Variants in RIMS1 observed in about 807,000 individuals in gnomAD.
The protein encoded by RIMS1 is regulating synaptic membrane exocytosis 1, also known as regulating synaptic membrane exocytosis protein 1.
RIMS1 carries 83 observed loss-of-function variants against 214.1 expected under a neutral mutation model. That is an observed-to-expected ratio of 0.39 (90% CI 0.32 to 0.47). RIMS1 has a LOEUF of 0.47. Ranked by LOEUF, RIMS1 falls within the 20% of genes least tolerant of loss-of-function variation. The pLI is 0.99. For synonymous variants in RIMS1, 793 were observed against 786.8 expected, an observed-to-expected ratio of 1.01 and a Z score of -0.13; for missense variants, 2,050 against 2,161.8, an observed-to-expected ratio of 0.95 and a Z score of 1.03.
intron 2 of RIMS1, among the ~76,000 whole-genome samples, chr6:72,046,205 A>G (rs540920584): frequency 5.3e-4 from 81 of 152,192 alleles, no homozygotes; most frequent in Middle Eastern, 3.4e-3. Context: ...TAACCTTAGT[A>G]TCAGGTTTTC....
intron 2 of RIMS1, among the ~76,000 whole-genome samples, chr6:72,036,384 T>C (rs1254150661): frequency 1.3e-5 from 2 of 152,158 alleles, no homozygotes; most frequent in Admixed American, 1.3e-4. Context: ...ACAGAACTGT[T>C]TGTATGTTTA....
Position 72,085,229 on chromosome 6 carries a change from A to T in RIMS1, c.246-11720A>T, listed in dbSNP as rs1562276039. Among the ~76,000 whole-genome samples the T allele has an allele frequency of 2.0e-5, 3 of 152,294 alleles. No homozygotes were observed. The East Asian group carries it at 5.8e-4, about 29-fold the overall frequency. On this transcript the variant is annotated intron_variant, in intron 2 of 33. Coordinates refer to ENST00000521978, the MANE Select transcript of RIMS1 (RefSeq NM_014989.7). ...AAAGACCAAATACGTTTTTAGATAC[A>T]AACTGATAATTTGTAGAACTGTAGT...
intron 2 of RIMS1, among the ~76,000 whole-genome samples, chr6:72,057,404 A>G (rs1826496118): frequency 6.6e-6 from 1 of 151,324 alleles, no homozygotes; most frequent in Non-Finnish European, 1.5e-5. Flanking sequence ...TCAGGCTCGG[A>G]TTCTTTGACA....
chr6:72,118,957 C>T (rs1269819600), intron 4 of RIMS1, among the ~76,000 whole-genome samples: 8 of 151,506 alleles, frequency 5.3e-5, no homozygotes, highest in Non-Finnish European at 1.0e-4. Flanking sequence ...CAGCATCATA[C>T]TGGAAGTCCT....
intron 1 of RIMS1, among the ~76,000 whole-genome samples, chr6:71,957,111 A>G (rs939363246): frequency 1.4e-4 from 21 of 152,290 alleles, no homozygotes; most frequent in Middle Eastern, 3.4e-3. Context: ...ATATTGCACA[A>G]CAAAGGGAGT....
intron 11 of RIMS1, among the ~76,000 whole-genome samples, chr6:72,247,417 C>T (rs964183168): frequency 6.6e-6 from 1 of 151,762 alleles, no homozygotes; most frequent in Non-Finnish European, 1.5e-5. Flanking sequence ...TGCCTGTAAT[C>T]CCAGCTACTC....
At chr6:72,167,657 G>A (rs568835891) in intron 4 of RIMS1, among the ~76,000 whole-genome samples, 52 of 151,934 alleles carry the variant, frequency 3.4e-4, no homozygotes, top group East Asian at 5.8e-4. Context: ...TCTTTTTTGC[G>A]TCAGTTTTGG....
intron 21 of RIMS1, among the ~76,000 whole-genome samples, 196 bp from the exon 22 acceptor site, chr6:72,265,763 GT>G (rs1414884994): frequency 6.6e-6 from 1 of 152,018 alleles, no homozygotes; most frequent in Non-Finnish European, 1.5e-5. Flanking sequence ...CATAATCTTT[GT>G]TTAGCTTCAT....
intron 28 of RIMS1, among the ~76,000 whole-genome samples, chr6:72,319,999 T>G (rs1025676188): frequency 6.6e-6 from 1 of 152,172 alleles, no homozygotes. Flanking sequence ...ACTTTATACT[T>G]TTAAGTCATC....
At chr6:71,958,712 A>G (rs771152466) in intron 1 of RIMS1, among the ~76,000 whole-genome samples, 1 of 152,110 alleles carries the variant, frequency 6.6e-6, no homozygotes, top group African/African-American at 2.4e-5. Context: ...TGGAAATGAC[A>G]GTTCAGGAAT....
chr6:72,264,968 G>T lies in RIMS1; in HGVS notation c.3117-7G>T, dbSNP rs202107254. The T allele has an allele frequency of 1.3e-6, 2 of 1,571,258 alleles. No homozygotes were observed. The highest frequency in any genetic ancestry group is 1.2e-5 in the South Asian group (1 of 85,720). On this transcript the variant is annotated splice_polypyrimidine_tract_variant and splice_region_variant and intron_variant, in intron 19 of 33. Transcript: ENST00000521978. ...GTTTCCTGCGTGTTTGTGTTGCTAC[G>T]TTCCAGACATCTTGTTAGGCACTAT...
chr6:72,001,064 G>C (rs551415536), intron 2 of RIMS1, among the ~76,000 whole-genome samples: 3 of 152,178 alleles, frequency 2.0e-5, no homozygotes, highest in African/African-American at 7.2e-5. Flanking sequence ...TCTAGTCACT[G>C]TTTCTCAGTT....
chr6:72,316,134 C>T (rs1308614297), intron 28 of RIMS1, among the ~76,000 whole-genome samples: 1 of 152,150 alleles, frequency 6.6e-6, no homozygotes, highest in Admixed American at 6.5e-5. Flanking sequence ...TCTTCCCCAC[C>T]ACCATGACCA....
intron 26 of RIMS1, among the ~76,000 whole-genome samples, chr6:72,298,283 T>C (rs543155252): frequency 2.0e-5 from 3 of 152,148 alleles, no homozygotes; most frequent in East Asian, 3.9e-4. Context: ...GTGACTCTAC[T>C]AAAAGTGTTA....
intron 4 of RIMS1, among the ~76,000 whole-genome samples, chr6:72,106,412 G>A (rs916054739): frequency 5.9e-5 from 9 of 152,106 alleles, no homozygotes; most frequent in African/African-American, 2.2e-4. Flanking sequence ...CTACTTCTAT[G>A]GAATTTGAAA....
chr6:72,122,000 A>C (rs1190456757), intron 4 of RIMS1, among the ~76,000 whole-genome samples: 4 of 151,840 alleles, frequency 2.6e-5, no homozygotes, highest in African/African-American at 4.8e-5. Flanking sequence ...CCAGGGATGA[A>C]GCCAACTTGA....
intron 2 of RIMS1, among the ~76,000 whole-genome samples, chr6:72,012,179 A>G (rs1212124902): frequency 6.6e-6 from 1 of 152,176 alleles, no homozygotes; most frequent in Non-Finnish European, 1.5e-5. Context: ...TGTCCTTTGT[A>G]CGGACATGGA....
intron 4 of RIMS1, among the ~76,000 whole-genome samples, chr6:72,154,150 A>AGT (rs1554253954): frequency 2.1e-5 from 3 of 142,642 alleles, no homozygotes; most frequent in South Asian, 2.3e-4. Flanking sequence ...TGTATATGAA[A>AGT]TAGCTACAAA....
At chr6:72,118,973 G>C (rs1256696407) in intron 4 of RIMS1, among the ~76,000 whole-genome samples, 1 of 151,586 alleles carries the variant, frequency 6.6e-6, no homozygotes, top group Non-Finnish European at 1.5e-5. Flanking sequence ...GTCCTGGCCA[G>C]ACCAATCAGA....
Sources: gnomAD v4.1 joint callset for allele counts (sites outside exome capture counted in the v4.1 genomes callset) on GRCh38, gnomAD v4.1.1 for gene constraint, MANE v1.5 for transcripts, NCBI Gene and HGNC (gene_info 2026-07-23, HGNC 2026-07-21) for gene names.